RNF144A: variants seen among roughly 807,000 people sequenced by gnomAD.
The protein encoded by RNF144A is ring finger protein 144A.
Under a neutral mutation model 38.7 loss-of-function variants are expected in RNF144A, and 11 were observed. The observed-to-expected ratio is 0.28, with a 90% CI of 0.18 to 0.47. The LOEUF is 0.47. Among genes scored for constraint, RNF144A ranks in the 20% least tolerant of loss-of-function variants. The probability of loss-of-function intolerance (pLI) is 0.99; values close to 1 mark genes in which losing one functional copy is unlikely to be tolerated. For missense variants in RNF144A, 316 were observed against 377.2 expected (o/e 0.84, Z 1.34); for synonymous variants, 149 against 143.9 (o/e 1.04, Z -0.25).
At chr2:6,984,711 A>G (rs1335903659) in intron 2 of RNF144A, among the ~76,000 whole-genome samples, 1 of 152,234 alleles carries the variant, frequency 6.6e-6, no homozygotes, top group Non-Finnish European at 1.5e-5. Context: ...ATTGCTATAC[A>G]TTGGGAAAAT....
chr2:6,993,047 C>T (rs1378019169), intron 2 of RNF144A, among the ~76,000 whole-genome samples: 2 of 152,174 alleles, frequency 1.3e-5, no homozygotes, highest in African/African-American at 2.4e-5. Context: ...AATCTGATTG[C>T]AAGTTCGCAG....
At chr2:6,932,060 G>A (rs1572206993) in intron 1 of RNF144A, among the ~76,000 whole-genome samples, 1 of 152,280 alleles carries the variant, frequency 6.6e-6, no homozygotes, top group Middle Eastern at 3.4e-3. Flanking sequence ...TCTCCCTGCA[G>A]TTCTGTCAGT....
At chr2:7,058,019 C>A (rs1053122537) in intron 6 of RNF144A, among the ~76,000 whole-genome samples, 1 of 152,104 alleles carries the variant, frequency 6.6e-6, no homozygotes, top group Non-Finnish European at 1.5e-5. Flanking sequence ...TGACATGTGC[C>A]AGGTGCTTAA....
rs1673122816 is a variant in RNF144A at position 7,042,726 on chromosome 2, G to A, written c.*2966G>A. ...TTGCAAAGATGCAGTCACCATAGATGTCCACGTAGCAGAGACTGACTTAGG... is the reference window on the plus strand; with the variant it reads ...TTGCAAAGATGCAGTCACCATAGATATCCACGTAGCAGAGACTGACTTAGG... On this transcript the variant is annotated 3_prime_UTR_variant, in exon 9 of 9. Coordinates refer to ENST00000320892, the MANE Select transcript of RNF144A (RefSeq NM_014746.6). 4.1e-6 allele frequency: 4 copies of A among 985,538 alleles called. No individual in the cohort carries two copies. The highest frequency in any genetic ancestry group is 4.8e-6 in the Non-Finnish European group (4 of 829,978). The allele number at this position is 985,538 out of a possible 1,614,324, so 61.0% of individuals were successfully genotyped here.
At chr2:7,029,153 T>A (rs1485425774) in intron 7 of RNF144A, among the ~76,000 whole-genome samples, 1 of 152,234 alleles carries the variant, frequency 6.6e-6, no homozygotes, top group African/African-American at 2.4e-5. Context: ...CTGTGTTTGT[T>A]TGTTCTTTTC....
At position 6,962,458 on chromosome 2, in the gene RNF144A, G is replaced by C. The variant is rs1460624226; in HGVS notation, c.-12+21311G>C. ...TTTCTCAGGCTGTTCTTTGTTACAA[G>C]AGAAATGATTTTGGGAGGTTGCTTT... On this transcript the variant is annotated intron_variant, in intron 2 of 8. Coordinates refer to ENST00000320892, the MANE Select transcript of RNF144A (RefSeq NM_014746.6). The surrounding 1 kb of genome is among the most constrained non-coding windows in gnomAD (Gnocchi z 4.1). Among the ~76,000 whole-genome samples the C allele has an allele frequency of 6.6e-6, 1 of 152,154 alleles. No homozygotes were observed.
At position 7,025,172 on chromosome 2, in the gene RNF144A, G is replaced by A. The variant is rs1046779946; in HGVS notation, c.657+656G>A. On this transcript the variant is annotated intron_variant, in intron 7 of 8. Coordinates refer to ENST00000320892, the MANE Select transcript of RNF144A (RefSeq NM_014746.6). ...CAGTGTTTCTCAAACACACCCTACC[G>A]TGTGTGCCTGCAAGAGCCATGTCCC... is the stretch of plus-strand genomic sequence containing the variant. Among the ~76,000 whole-genome samples the A allele has an allele frequency of 9.2e-5, 14 of 152,240 alleles. No homozygotes were observed. In the East Asian group the frequency reaches 2.3e-3, roughly 25 times the overall value.
At position 6,958,867 on chromosome 2, in the gene RNF144A, A is replaced by C. The variant is rs1314862278; in HGVS notation, c.-12+17720A>C. ...GTGGGCCCTGCTGAAAGGAGCTTGG[A>C]CACTATTCCAAAGCTTCTCTTTTAC... On this transcript the variant is annotated intron_variant, in intron 2 of 8. Coordinates refer to ENST00000320892, the MANE Select transcript of RNF144A (RefSeq NM_014746.6). The surrounding 1 kb of genome is among the most constrained non-coding windows in gnomAD (Gnocchi z 4.5). Among the ~76,000 whole-genome samples the C allele has an allele frequency of 6.6e-6, 1 of 152,034 alleles. No homozygotes were observed.
chr2:7,020,902 T>C (rs1671485552), intron 6 of RNF144A: 3 of 569,318 alleles, frequency 5.3e-6, no homozygotes, highest in Non-Finnish European at 9.4e-6. Context: ...GCCCTGGAAA[T>C]AGAAAGGTGT....
intron 2 of RNF144A, among the ~76,000 whole-genome samples, chr2:6,988,419 G>T (rs1301067614): frequency 6.6e-6 from 1 of 152,108 alleles, no homozygotes; most frequent in Non-Finnish European, 1.5e-5. Context: ...CTCTCCACTG[G>T]GACAGTTTCT....
At chr2:6,989,544 A>G (rs780553223) in intron 2 of RNF144A, among the ~76,000 whole-genome samples, 3 of 152,058 alleles carry the variant, frequency 2.0e-5, no homozygotes, top group Non-Finnish European at 4.4e-5. Flanking sequence ...TACAGGTGGA[A>G]CCTTTGTTAC....
At chr2:6,933,622 GA>G (rs895880881) in intron 1 of RNF144A, among the ~76,000 whole-genome samples, 5 of 149,636 alleles carry the variant, frequency 3.3e-5, no homozygotes, top group East Asian at 1.9e-4. Flanking sequence ...ACTTTGAAAG[GA>G]AAAAAAATGG....
chr2:6,940,896 C>T (rs1558367340), intron 1 of RNF144A, 52 bp from the exon 2 acceptor site: 3 of 152,366 alleles, frequency 2.0e-5, no homozygotes, highest in Admixed American at 6.5e-5. Flanking sequence ...TTGTGCCCTG[C>T]TCCTCTCCTC....
At chr2:7,025,371 C>G (rs1572428883) in intron 7 of RNF144A, among the ~76,000 whole-genome samples, 1 of 152,158 alleles carries the variant, frequency 6.6e-6, no homozygotes, top group Non-Finnish European at 1.5e-5. Flanking sequence ...TTGATGCATA[C>G]TTTTTTAAGA....
intron 2 of RNF144A, among the ~76,000 whole-genome samples, chr2:6,995,552 C>T (rs1038061282): frequency 1.3e-5 from 2 of 152,188 alleles, no homozygotes; most frequent in African/African-American, 4.8e-5. Flanking sequence ...GACAGTACAG[C>T]CCTCAGTCTG....
intron 2 of RNF144A, among the ~76,000 whole-genome samples, chr2:6,986,399 G>C (rs906064319): frequency 2.0e-5 from 3 of 152,030 alleles, no homozygotes; most frequent in Non-Finnish European, 4.4e-5. Context: ...TAGCAACAAG[G>C]TTTCTGTTTG....
chr2:6,982,594 C>G (rs562786039), intron 2 of RNF144A, among the ~76,000 whole-genome samples: 7 of 152,248 alleles, frequency 4.6e-5, no homozygotes, highest in Non-Finnish European at 8.8e-5. Context: ...GAAAAAACAA[C>G]AAACACATAA....
intron 5 of RNF144A, among the ~76,000 whole-genome samples, chr2:7,018,688 A>T (rs1364255590): frequency 6.6e-6 from 1 of 152,238 alleles, no homozygotes; most frequent in Non-Finnish European, 1.5e-5. Context: ...TGTGGAAACT[A>T]TCAACAAATA....
chr2:7,071,708 T>C (rs1370012555), downstream of RNF144A, among the ~76,000 whole-genome samples: 1 of 152,254 alleles, frequency 6.6e-6, no homozygotes, highest in East Asian at 1.9e-4. Context: ...CTTCTGGTGA[T>C]AGTGTTGTAT....
Sources: allele counts gnomAD v4.1 joint callset (sites outside exome capture counted in the v4.1 genomes callset), GRCh38; gene constraint gnomAD v4.1.1; non-coding constraint Gnocchi (gnomAD v3.1); transcripts MANE v1.5; gene names NCBI Gene and HGNC (gene_info 2026-07-23, HGNC 2026-07-21).